The following ADAD1 variants were observed in gnomAD, a reference collection of about 807,000 sequenced individuals.
The protein encoded by ADAD1 is adenosine deaminase domain containing 1, also known as adenosine deaminase domain-containing protein 1.
In ADAD1, 46 loss-of-function variants were observed where a neutral mutation model predicts 66.8. That is an observed-to-expected ratio of 0.69 (90% CI 0.54 to 0.88). The LOEUF (loss-of-function observed/expected upper bound fraction) is 0.88, where lower values mean the gene tolerates loss of function less well. Ranked by LOEUF, ADAD1 falls within the 40% of genes least tolerant of loss-of-function variation. ADAD1 has a pLI of 0.00. For missense variants in ADAD1, 617 were observed against 681.8 expected, an observed-to-expected ratio of 0.91 and a Z score of 1.06; for synonymous variants, 248 against 229.4, an observed-to-expected ratio of 1.08 and a Z score of -0.73.
At chr4:122,418,629 T>C (rs1796865625) in intron 11 of ADAD1, among the ~76,000 whole-genome samples, 1 of 152,126 alleles carries the variant, frequency 6.6e-6, no homozygotes, top group Non-Finnish European at 1.5e-5. Context: ...GTTATTTTCA[T>C]GAGAAAGTTA....
intron 10 of ADAD1, among the ~76,000 whole-genome samples, chr4:122,413,454 T>C (rs1390501056): frequency 6.6e-6 from 1 of 152,130 alleles, no homozygotes; most frequent in Non-Finnish European, 1.5e-5. Flanking sequence ...TTCTTGACTA[T>C]TAAAAAATAG....
intron 7 of ADAD1, among the ~76,000 whole-genome samples, chr4:122,405,996 T>C (rs560082905): frequency 6.6e-6 from 1 of 152,278 alleles, no homozygotes; most frequent in East Asian, 1.9e-4. Context: ...ACATGTAGGT[T>C]TTTTCTGTAT....
chr4:122,404,395 T>A (rs919937458), intron 7 of ADAD1, among the ~76,000 whole-genome samples: 5 of 152,168 alleles, frequency 3.3e-5, no homozygotes, highest in African/African-American at 1.2e-4. Flanking sequence ...TCTGTTTTGC[T>A]TGGCTCCCTA....
At chr4:122,429,136 A>G (rs964674257) in intron 12 of ADAD1, among the ~76,000 whole-genome samples, 6 of 151,610 alleles carry the variant, frequency 4.0e-5, no homozygotes, top group African/African-American at 1.5e-4. Flanking sequence ...TAAAAAAAAA[A>G]AAGAACAAGA....
intron 5 of ADAD1, among the ~76,000 whole-genome samples, chr4:122,385,509 G>A (rs1795132443): frequency 6.6e-6 from 1 of 152,156 alleles, no homozygotes; most frequent in Non-Finnish European, 1.5e-5. Context: ...CTGACCTCAA[G>A]TGATCCTCCC....
At chr4:122,387,835 C>G (rs1293033055) in intron 5 of ADAD1, among the ~76,000 whole-genome samples, 1 of 151,722 alleles carries the variant, frequency 6.6e-6, no homozygotes, top group Non-Finnish European at 1.5e-5. Context: ...TCTCGGCTCA[C>G]TGCAAGCTCT....
At chr4:122,414,460 C>G (rs529748710) in intron 10 of ADAD1, among the ~76,000 whole-genome samples, 2 of 151,850 alleles carry the variant, frequency 1.3e-5, no homozygotes, top group South Asian at 4.2e-4. Flanking sequence ...TTTTGTCACT[C>G]TTGTTTTGTC....
intron 7 of ADAD1, 63 bp downstream of exon 7, chr4:122,396,440 C>T: frequency 1.5e-6 from 2 of 1,364,474 alleles, no homozygotes; most frequent in Non-Finnish European, 2.0e-6. Flanking sequence ...TTTTAGTTAA[C>T]TATCTTTGCC....
chr4:122,379,824 TC>T (rs1003558828), intron 2 of ADAD1: 1 of 423,096 alleles, frequency 2.4e-6, no homozygotes, highest in African/African-American at 2.0e-5. Context: ...CTCTCTCTGT[TC>T]CTTCTTTCCT....
At chr4:122,422,937 G>C (rs964501773) in intron 12 of ADAD1, among the ~76,000 whole-genome samples, 4 of 124,578 alleles carry the variant, frequency 3.2e-5, no homozygotes, top group African/African-American at 1.3e-4. Flanking sequence ...GGGGGACAGA[G>C]CAAGACCCTA....
At chr4:122,384,719 AATGTTT>A (rs1795074548) in intron 5 of ADAD1, among the ~76,000 whole-genome samples, 1 of 152,156 alleles carries the variant, frequency 6.6e-6, no homozygotes, top group Admixed American at 6.5e-5. Context: ...TAGCTTTCAG[AATGTTT>A]ATGTAGGGCT....
In ADAD1 at chr4:122,412,649, A is replaced by G. The variant is rs1796518424; in HGVS notation, c.1089A>G (p.Glu363=). Residue 363 remains glutamate, a synonymous_variant, in exon 10 of 13, where the codon GAA becomes GAG. Transcript: ENST00000296513. ...NEELCLHVAV[E]GKIYLTVYCP... ...AACTCTGTCTCCACGTGGCTGTTGA[A>G]GGCAAAATTTATCTGACTGTTTACT... 6 of 1,613,912 alleles carry G rather than the reference A, an allele frequency of 3.7e-6. No individual in the cohort carries two copies. Among genetic ancestry groups the G allele is most frequent in the Non-Finnish European group, 5.1e-6 (6 of 1,179,808 alleles).
chr4:122,401,587 G>C (rs528148567), intron 7 of ADAD1, among the ~76,000 whole-genome samples: 4 of 152,206 alleles, frequency 2.6e-5, no homozygotes, highest in African/African-American at 9.6e-5. Flanking sequence ...AGTGTTGTTA[G>C]TGGAGTATTA....
intron 6 of ADAD1, 78 bp downstream of exon 6, chr4:122,393,735 A>G (rs1221695143): frequency 8.6e-7 from 1 of 1,157,856 alleles, no homozygotes; most frequent in Non-Finnish European, 1.2e-6. Flanking sequence ...TAAAATAAGC[A>G]TAGGTATGAA....
intron 10 of ADAD1, 74 bp from the exon 11 acceptor site, chr4:122,415,305 C>G (rs1452852651): frequency 8.2e-7 from 1 of 1,224,774 alleles, no homozygotes. Flanking sequence ...TAGACGATTT[C>G]CAATCATTTC....
At chr4:122,413,602 A>G (rs1796570768) in intron 10 of ADAD1, among the ~76,000 whole-genome samples, 1 of 152,078 alleles carries the variant, frequency 6.6e-6, no homozygotes, top group South Asian at 2.1e-4. Context: ...CTTTTCATAT[A>G]CTGATTTGAT....
In ADAD1 at chr4:122,429,745, G is replaced by A. The variant is rs774323375; in HGVS notation, c.*6G>A. On this transcript the variant is annotated 3_prime_UTR_variant, in exon 13 of 13. Transcript: ENST00000296513. ...TAGAGCAATTTAACATGTGAAATAG[G>A]CAATCCATTATCACATTAAAAATCT... The A allele has an allele frequency of 7.7e-6, 12 of 1,555,244 alleles. No individual in the cohort carries two copies. Among genetic ancestry groups the A allele is most frequent in the Non-Finnish European group, 1.1e-5 (12 of 1,131,100 alleles).
chr4:122,392,823 G>A (rs1036868587), intron 5 of ADAD1, among the ~76,000 whole-genome samples: 4 of 152,108 alleles, frequency 2.6e-5, no homozygotes, highest in Admixed American at 1.3e-4. Context: ...AAAGTCCAGC[G>A]TCTATGTATC....
At chr4:122,427,644 C>T (rs1024310285) in intron 12 of ADAD1, among the ~76,000 whole-genome samples, 2 of 144,384 alleles carry the variant, frequency 1.4e-5, no homozygotes, top group Non-Finnish European at 3.0e-5. Context: ...AAGTGATTCT[C>T]CTGCCTCAGC....
Sources: gnomAD v4.1 joint callset for allele counts (sites outside exome capture counted in the v4.1 genomes callset) on GRCh38, gnomAD v4.1.1 for gene constraint, MANE v1.5 for transcripts, NCBI Gene and HGNC (gene_info 2026-07-23, HGNC 2026-07-21) for gene names.